Variants in GON4L observed in about 807,000 individuals in gnomAD.
GON4L encodes GON-4-like protein.
A neutral mutation model predicts 211.8 loss-of-function variants in GON4L; 87 were observed. That is an observed-to-expected ratio of 0.41 (90% CI 0.35 to 0.49). GON4L has a LOEUF of 0.49. GON4L is among the 20% of genes least tolerant of loss of function. The probability of loss-of-function intolerance (pLI) is 0.15; values close to 1 mark genes in which losing one functional copy is unlikely to be tolerated. For missense variants in GON4L, 2,155 were observed against 2,659.5 expected (o/e 0.81, Z 4.17); for synonymous variants, 875 against 962.6 (o/e 0.91, Z 1.68).
intron 12 of GON4L, among the ~76,000 whole-genome samples, chr1:155,787,180 G>C (rs1240283088): frequency 6.6e-6 from 1 of 152,128 alleles, no homozygotes; most frequent in Non-Finnish European, 1.5e-5. Context: ...AAAATGCTGG[G>C]ATTACAGGCG....
At position 155,750,228 on chromosome 1, in the gene GON4L, C is replaced by T. The variant is rs1258823017; in HGVS notation, c.*356G>A. Reference sequence around the variant, plus strand: ...CTTCATGCAGAGGAGCTCAATGTCGCGGGACTAGCTACACCAACATATGCA... The same window carrying T: ...CTTCATGCAGAGGAGCTCAATGTCGTGGGACTAGCTACACCAACATATGCA... On this transcript the variant is annotated 3_prime_UTR_variant, in exon 32 of 32. Coordinates refer to ENST00000368331, the MANE Select transcript of GON4L (RefSeq NM_001282860.2). 2.4e-5 allele frequency: 13 copies of T among 551,714 alleles called. No individual in the cohort carries two copies. The highest frequency in any genetic ancestry group is 8.1e-5 in the African/African-American group (4 of 49,218). The allele number at this position is 551,714 out of a possible 1,614,324, so 34.2% of individuals were successfully genotyped here.
chr1:155,799,138 C>A (rs1174629590), intron 11 of GON4L, among the ~76,000 whole-genome samples: 1 of 152,124 alleles, frequency 6.6e-6, no homozygotes, highest in African/African-American at 2.4e-5. Flanking sequence ...TAGGCACATA[C>A]AAAAATACTG....
At chr1:155,784,983 C>T in intron 13 of GON4L, 1 of 369,174 alleles carries the variant, frequency 2.7e-6, no homozygotes, top group Middle Eastern at 9.5e-4. Flanking sequence ...GTTGGTATGT[C>T]CCAGCTACTC....
chr1:155,749,194 G>T (rs1660371265), downstream of GON4L: 2 of 1,259,834 alleles, frequency 1.6e-6, no homozygotes, highest in Non-Finnish European at 2.2e-6. Flanking sequence ...GGAGGTTGCA[G>T]TGAGCCGAGA....
chr1:155,753,148 G>T lies in GON4L; in HGVS notation c.5842+56C>A. ...TCCAGGCTCATGGAGGTTCCTGTCT[G>T]GAGTACAGGATAACGAGACTGAGGA... On this transcript the variant is annotated intron_variant, in intron 29 of 31. Transcript: ENST00000368331. 3 of 1,309,664 alleles carry T rather than the reference G, an allele frequency of 2.3e-6. No homozygotes were observed. The South Asian group carries it at 3.6e-5, about 16-fold the overall frequency. The allele number at this position is 1,309,664 out of a possible 1,614,324, so 81.1% of individuals were successfully genotyped here.
intron 3 of GON4L, among the ~76,000 whole-genome samples, chr1:155,823,382 A>G (rs1195505777): frequency 6.6e-6 from 1 of 152,216 alleles, no homozygotes; most frequent in Non-Finnish European, 1.5e-5. Context: ...ATATATGAAA[A>G]AACTCAGAAA....
downstream of GON4L, among the ~76,000 whole-genome samples, chr1:155,745,343 T>C (rs1018546905): frequency 3.3e-5 from 5 of 152,244 alleles, no homozygotes; most frequent in Admixed American, 1.3e-4. Flanking sequence ...CACGGGGATC[T>C]GTGGACTTCT....
chr1:155,808,632 T>C (rs892198755), intron 10 of GON4L, among the ~76,000 whole-genome samples: 2 of 152,064 alleles, frequency 1.3e-5, no homozygotes, highest in Non-Finnish European at 1.5e-5. Context: ...TTTTTTCTTT[T>C]TGTTTTTTGT....
chr1:155,833,193 T>A (rs1669957515), intron 2 of GON4L, among the ~76,000 whole-genome samples: 1 of 152,226 alleles, frequency 6.6e-6, no homozygotes, highest in Non-Finnish European at 1.5e-5. Context: ...ATTACACTTA[T>A]CAATAACTGA....
intron 2 of GON4L, among the ~76,000 whole-genome samples, chr1:155,833,715 G>A (rs1670015532): frequency 9.2e-6 from 1 of 108,682 alleles, no homozygotes; most frequent in Non-Finnish European, 1.9e-5. Context: ...GGATAAGAGG[G>A]AAGAGGAGAG....
chr1:155,807,000 G>A lies in GON4L; in HGVS notation c.1453-1859C>T, dbSNP rs796429208. On this transcript the variant is annotated intron_variant, in intron 10 of 31. Coordinates refer to ENST00000368331, the MANE Select transcript of GON4L (RefSeq NM_001282860.2). ...TGTAGTCCCAGCTACTTAGGAGGCT[G>A]AAAGAGAAGGATCTCTTGAGACTAG... 1.1e-4 allele frequency among the ~76,000 whole-genome samples: 16 copies of A among 148,392 alleles called. 1 individual carries two copies. Among genetic ancestry groups the A allele is most frequent in the African/African-American group, 3.9e-4 (16 of 40,510 alleles).
chr1:155,757,463 T>C (rs1661312355), intron 25 of GON4L, 140 bp from the exon 26 acceptor site: 2 of 737,966 alleles, frequency 2.7e-6, no homozygotes, highest in Non-Finnish European at 4.4e-6. Context: ...TAACAAAGAA[T>C]ACTAAAACTT....
intron 18 of GON4L, 140 bp downstream of exon 18, chr1:155,772,926 G>T: frequency 1.9e-6 from 2 of 1,077,970 alleles, no homozygotes; most frequent in South Asian, 1.3e-5. Context: ...AGAGGGCTCT[G>T]CTCATCTATA....
intron 5 of GON4L, among the ~76,000 whole-genome samples, chr1:155,820,928 G>A (rs1026567548): frequency 1.3e-5 from 2 of 152,238 alleles, no homozygotes; most frequent in Admixed American, 1.3e-4. Context: ...TTTGAGTCCA[G>A]CCTTGGTGAC....
chr1:155,785,988 C>G (rs1007887279), intron 12 of GON4L, among the ~76,000 whole-genome samples: 15 of 151,872 alleles, frequency 9.9e-5, no homozygotes, highest in African/African-American at 3.6e-4. Context: ...CCCAGCTACT[C>G]GGGAGGCTGA....
intron 14 of GON4L, among the ~76,000 whole-genome samples, chr1:155,778,835 G>A (rs1315619581): frequency 6.6e-6 from 1 of 152,112 alleles, no homozygotes. Flanking sequence ...TTAGCTTGCT[G>A]ATGGCTTCAC....
chr1:155,853,697 T>C lies in GON4L; in HGVS notation c.84A>G (p.Leu28=). 1 of 1,613,400 alleles carries C rather than the reference T, an allele frequency of 6.2e-7. No homozygotes were observed. The highest frequency in any genetic ancestry group is 1.1e-5 in the South Asian group (1 of 91,068). Residue 28 remains leucine, a synonymous_variant, in exon 2 of 32, where the codon CTA becomes CTG. Coordinates refer to ENST00000368331, the MANE Select transcript of GON4L (RefSeq NM_001282860.2). The stretch of plus-strand genomic sequence containing the variant: ...CAGATTCTGGTTTAACGGCTGATTC[T>C]AGGTCTACGTTGTTTTCCTCTTGAT... ...KGNQEENNVD[L]ESAVKPESDQ...
chr1:155,840,233 T>C (rs910135184), intron 2 of GON4L, among the ~76,000 whole-genome samples: 1 of 152,238 alleles, frequency 6.6e-6, no homozygotes, highest in Admixed American at 6.5e-5. Flanking sequence ...TTTGTCCGAT[T>C]AAATTCAAGT....
chr1:155,750,848 C>G (rs1383378041), intron 31 of GON4L, 115 bp from the exon 32 acceptor site: 1 of 987,690 alleles, frequency 1.0e-6, no homozygotes, highest in African/African-American at 1.6e-5. Context: ...ACTGCAACCT[C>G]CGTCTCCTGG....
Sources: allele counts gnomAD v4.1 joint callset (sites outside exome capture counted in the v4.1 genomes callset), GRCh38; gene constraint gnomAD v4.1.1; transcripts MANE v1.5; gene names NCBI Gene and HGNC (gene_info 2026-07-23, HGNC 2026-07-21).